RYK: variants seen among roughly 807,000 people sequenced by gnomAD.
RYK encodes the protein inactive tyrosine-protein kinase RYK.
RYK carries 21 observed loss-of-function variants against 70.2 expected under a neutral mutation model. The observed-to-expected ratio is 0.30, with a 90% CI of 0.21 to 0.43. RYK has a LOEUF of 0.43. Ranked by LOEUF, RYK falls within the 20% of genes least tolerant of loss-of-function variation. The pLI is 1.00. For synonymous variants in RYK, 267 were observed against 278.0 expected, an observed-to-expected ratio of 0.96 and a Z score of 0.39; for missense variants, 604 against 753.3, an observed-to-expected ratio of 0.80 and a Z score of 2.32.
At chr3:134,228,645 GA>G (rs1030257486) in intron 1 of RYK, among the ~76,000 whole-genome samples, 1 of 151,086 alleles carries the variant, frequency 6.6e-6, no homozygotes, top group Non-Finnish European at 1.5e-5. Context: ...TTAAAAAAAA[GA>G]AAAAAAAAGT....
At chr3:134,192,757 A>G (rs1442293840) in intron 7 of RYK, among the ~76,000 whole-genome samples, 2 of 152,178 alleles carry the variant, frequency 1.3e-5, no homozygotes, top group Non-Finnish European at 2.9e-5. Context: ...GACCTATGCA[A>G]TGATCATCAA....
chr3:134,211,554 G>C lies in RYK; in HGVS notation c.408C>G (p.Pro136=). The change falls in exon 3 of 15, where the codon CCC becomes CCG. Residue 136 remains proline (P), a synonymous_variant. Coordinates refer to ENST00000623711, the MANE Select transcript of RYK (RefSeq NM_002958.4). ...CCCCCTGAACAGAAATGTTGACCTG[G>C]GGCATATCCATTGCCAAAACATTGT... The part of the protein sequence containing the change: ...QVDNVLAMDM[P]QVNISVQGEV... 6.2e-7 allele frequency: 1 copy of C among 1,613,592 alleles called. No individual in the cohort carries two copies. The highest frequency in any genetic ancestry group is 8.5e-7 in the Non-Finnish European group (1 of 1,179,678).
At chr3:134,219,482 G>T (rs182127884) in intron 2 of RYK, among the ~76,000 whole-genome samples, 4 of 152,094 alleles carry the variant, frequency 2.6e-5, no homozygotes, top group Non-Finnish European at 5.9e-5. Flanking sequence ...TCCTAAGTGT[G>T]CCCAGAAATA....
intron 9 of RYK, among the ~76,000 whole-genome samples, chr3:134,188,161 A>AT (rs1333596976): frequency 1.6e-3 from 70 of 44,702 alleles, no homozygotes; most frequent in Non-Finnish European, 4.5e-3. Context: ...ATATATATAT[A>AT]TATATATTTT....
intron 2 of RYK, among the ~76,000 whole-genome samples, chr3:134,220,851 T>C (rs1483124537): frequency 6.6e-6 from 1 of 152,176 alleles, no homozygotes; most frequent in Non-Finnish European, 1.5e-5. Flanking sequence ...ATTTTGCCTA[T>C]AAAATGAAAT....
chr3:134,226,235 TAAAAAGATAA>T (rs2107687710), intron 1 of RYK, among the ~76,000 whole-genome samples: 1 of 152,178 alleles, frequency 6.6e-6, no homozygotes, highest in South Asian at 2.1e-4. Context: ...CTATAGATGT[TAAAAAGATAA>T]AAAGATTATT....
intron 1 of RYK, among the ~76,000 whole-genome samples, chr3:134,230,734 A>AT (rs1397496529): frequency 9.8e-5 from 15 of 152,324 alleles, no homozygotes; most frequent in African/African-American, 3.1e-4. Context: ...GAAATGTCCT[A>AT]TATCTTGGTT....
chr3:134,213,625 C>T (rs1333289312), intron 2 of RYK, among the ~76,000 whole-genome samples: 1 of 152,142 alleles, frequency 6.6e-6, no homozygotes, highest in Non-Finnish European at 1.5e-5. Context: ...AAATGTCTTC[C>T]CACCTTCTCC....
intron 1 of RYK, among the ~76,000 whole-genome samples, chr3:134,229,381 A>G (rs1420077880): frequency 1.4e-4 from 19 of 139,920 alleles, no homozygotes; most frequent in Admixed American, 4.9e-4. Context: ...TTTGGGCTGG[A>G]AAAAAAAAAA....
At chr3:134,202,558 A>G in intron 6 of RYK, 172 bp downstream of exon 6, 1 of 538,112 alleles carries the variant, frequency 1.9e-6, no homozygotes, top group South Asian at 3.1e-5. Flanking sequence ...AAAAATAAAA[A>G]TAAAATCAGA....
At chr3:134,214,182 G>A (rs2014486304) in intron 2 of RYK, among the ~76,000 whole-genome samples, 1 of 152,102 alleles carries the variant, frequency 6.6e-6, no homozygotes, top group Non-Finnish European at 1.5e-5. Context: ...ACTTGCAGAG[G>A]CCTTGGTCTC....
intron 13 of RYK, among the ~76,000 whole-genome samples, chr3:134,174,957 T>G (rs1334306552): frequency 6.6e-6 from 1 of 152,134 alleles, no homozygotes; most frequent in Non-Finnish European, 1.5e-5. Flanking sequence ...AAGAAAGAAA[T>G]AATAATGAAA....
At chr3:134,184,627 T>C (rs1447127449) in intron 9 of RYK, among the ~76,000 whole-genome samples, 2 of 151,928 alleles carry the variant, frequency 1.3e-5, no homozygotes, top group African/African-American at 4.8e-5. Flanking sequence ...TAGTTGGACC[T>C]GGTGGTGCAC....
intron 8 of RYK, among the ~76,000 whole-genome samples, chr3:134,191,107 T>C (rs1287403984): frequency 6.6e-6 from 1 of 152,236 alleles, no homozygotes; most frequent in Non-Finnish European, 1.5e-5. Context: ...CATTCCAAAC[T>C]GAATTACAGT....
intron 1 of RYK, among the ~76,000 whole-genome samples, chr3:134,238,866 G>T (rs751480370): frequency 9.2e-5 from 14 of 151,982 alleles, no homozygotes; most frequent in Non-Finnish European, 1.8e-4. Context: ...ATGCATTTTG[G>T]GGAAAAAAAA....
intron 2 of RYK, among the ~76,000 whole-genome samples, chr3:134,221,068 T>C (rs1162168076): frequency 6.6e-6 from 1 of 152,122 alleles, no homozygotes; most frequent in South Asian, 2.1e-4. Flanking sequence ...AAAAGTACTG[T>C]TCAACATACA....
At chr3:134,212,143 C>G (rs1398432312) in intron 2 of RYK, among the ~76,000 whole-genome samples, 1 of 151,726 alleles carries the variant, frequency 6.6e-6, no homozygotes, top group South Asian at 2.1e-4. Flanking sequence ...AAAGAAAGTT[C>G]ATGTTTAGAT....
At position 134,216,075 on chromosome 3, in the gene RYK, GA is replaced by G. The variant is rs918866847; in HGVS notation, c.355-4469del. ...AAAGAAAAAGAAAATAAAAGGAAAG[GA>G]AAAAAAAAGAAACAAATTACCAAAA... On this transcript the variant is annotated intron_variant, in intron 2 of 14. Transcript: ENST00000623711. 6.9e-4 allele frequency among the ~76,000 whole-genome samples: 102 copies of G among 148,754 alleles called. 1 individual carries two copies. Among genetic ancestry groups the G allele is most frequent in the African/African-American group, 1.9e-3 (78 of 40,510 alleles).
chr3:134,183,666 A>C (rs1220163289), intron 9 of RYK, among the ~76,000 whole-genome samples: 2 of 152,202 alleles, frequency 1.3e-5, no homozygotes, highest in African/African-American at 4.8e-5. Context: ...TGAAATGCAG[A>C]TATACCTTCC....
Sources: allele counts gnomAD v4.1 joint callset (sites outside exome capture counted in the v4.1 genomes callset), GRCh38; gene constraint gnomAD v4.1.1; transcripts MANE v1.5; gene names NCBI Gene and HGNC (gene_info 2026-07-23, HGNC 2026-07-21).